The following ARHGAP12 variants were observed in gnomAD, a reference collection of about 807,000 sequenced individuals.
ARHGAP12 encodes the protein Rho GTPase activating protein 12.
A neutral mutation model predicts 108.6 loss-of-function variants in ARHGAP12; 64 were observed. The ratio of observed to expected loss-of-function variants is 0.59; its 90% CI spans 0.48 to 0.73. ARHGAP12 has a LOEUF of 0.73. Among genes scored for constraint, ARHGAP12 ranks in the 30% least tolerant of loss-of-function variants. The probability of loss-of-function intolerance (pLI) is 0.00; values close to 1 mark genes in which losing one functional copy is unlikely to be tolerated. For synonymous variants in ARHGAP12, 312 were observed against 337.2 expected, an observed-to-expected ratio of 0.93 and a Z score of 0.82; for missense variants, 940 against 1,005.9, an observed-to-expected ratio of 0.93 and a Z score of 0.89.
rs559805561 is a variant in ARHGAP12 at position 31,928,243 on chromosome 10, C to T, written c.-111+440G>A. On this transcript the variant is annotated intron_variant, in intron 1 of 19. Coordinates refer to ENST00000344936, the MANE Select transcript of ARHGAP12 (RefSeq NM_018287.7). ...CGCGCGCGCACACACCCGCCTTTTG[C>T]ACATAGACACGCACACACCCGCCTT... is the stretch of plus-strand genomic sequence containing the variant. Among the ~76,000 whole-genome samples the T allele has an allele frequency of 2.3e-4, 34 of 150,440 alleles. No homozygotes were observed. In the East Asian group the frequency reaches 6.7e-3, roughly 29 times the overall value.
chr10:31,812,728 G>A lies in ARHGAP12; in HGVS notation c.1930C>T (p.Arg644Cys), dbSNP rs773103901. The change falls in exon 15 of 20, where the codon CGT becomes TGT. Residue 644 changes from arginine (R) to cysteine (C), a missense_variant. Physicochemically the swap from Arg to Cys is radical, Grantham distance 180. Transcript: ENST00000344936. The stretch of plus-strand genomic sequence containing the variant: ...CAACCTTTAATATAACCTTTTTCAC[G>A]AACAGCTTGCAAAGTGGGGCGTCGT... Reference protein sequence around the residue: ...LTRRPTLQAVREKGYIKDQVF... With the variant: ...LTRRPTLQAVCEKGYIKDQVF... 14 of 1,603,272 alleles carry A rather than the reference G, an allele frequency of 8.7e-6. No homozygotes were observed. The highest frequency in any genetic ancestry group is 3.3e-5 in the South Asian group (3 of 89,680).
chr10:31,840,132 T>C (rs1374673697), intron 7 of ARHGAP12, among the ~76,000 whole-genome samples: 1 of 152,038 alleles, frequency 6.6e-6, no homozygotes, highest in Non-Finnish European at 1.5e-5. Context: ...CAGAAATACC[T>C]TAGCAAATGC....
intron 19 of ARHGAP12, among the ~76,000 whole-genome samples, chr10:31,808,084 A>T (rs1042347428): frequency 5.9e-5 from 9 of 152,182 alleles, no homozygotes; most frequent in African/African-American, 1.9e-4. Context: ...ATTTTAGCTT[A>T]GTTTTTAAAA....
chr10:31,863,929 A>C (rs1837227109), intron 3 of ARHGAP12, among the ~76,000 whole-genome samples: 1 of 152,166 alleles, frequency 6.6e-6, no homozygotes. Flanking sequence ...AAGACAGATA[A>C]GTTCTTCCAT....
intron 9 of ARHGAP12, among the ~76,000 whole-genome samples, chr10:31,836,828 G>C (rs1454408088): frequency 6.6e-6 from 1 of 152,162 alleles, no homozygotes; most frequent in African/African-American, 2.4e-5. Flanking sequence ...AACCTCCATG[G>C]GAGGGCACAA....
At chr10:31,834,647 G>A (rs1835945864) in intron 9 of ARHGAP12, among the ~76,000 whole-genome samples, 1 of 152,046 alleles carries the variant, frequency 6.6e-6, no homozygotes, top group Non-Finnish European at 1.5e-5. Context: ...CACTCCATTA[G>A]GCCGTAAGTT....
intron 3 of ARHGAP12, among the ~76,000 whole-genome samples, chr10:31,862,239 T>G (rs1339071755): frequency 2.0e-5 from 3 of 152,226 alleles, no homozygotes; most frequent in Non-Finnish European, 4.4e-5. Context: ...ATTCTATTCC[T>G]TCTCAGGTAT....
chr10:31,820,610 TTCTC>T (rs763272461), intron 11 of ARHGAP12, 122 bp from the exon 12 acceptor site: 221 of 516,848 alleles, frequency 4.3e-4, no homozygotes, highest in Non-Finnish European at 6.3e-4. Context: ...ATTCTTCTTT[TTCTC>T]TATTATAAAG....
intron 3 of ARHGAP12, among the ~76,000 whole-genome samples, chr10:31,892,105 A>G (rs1035809437): frequency 3.9e-5 from 6 of 152,182 alleles, no homozygotes; most frequent in African/African-American, 1.4e-4. Context: ...GAGCTCCTGA[A>G]GGAAGCACTA....
intron 13 of ARHGAP12, 121 bp from the exon 14 acceptor site, chr10:31,814,482 A>C: frequency 1.3e-6 from 1 of 740,810 alleles, no homozygotes; most frequent in Admixed American, 2.2e-5. Flanking sequence ...GAAACCAATT[A>C]GTATACAGTA....
intron 4 of ARHGAP12, among the ~76,000 whole-genome samples, chr10:31,859,423 C>T (rs921783805): frequency 2.6e-5 from 4 of 152,144 alleles, no homozygotes; most frequent in African/African-American, 9.7e-5. Flanking sequence ...GAATTCTATA[C>T]CCAGGAATAC....
chr10:31,889,388 C>T (rs970734748), intron 3 of ARHGAP12, among the ~76,000 whole-genome samples: 24 of 152,206 alleles, frequency 1.6e-4, no homozygotes, highest in African/African-American at 5.8e-4. Context: ...AGTGACCTTA[C>T]TTCAGTTTCT....
At chr10:31,875,907 C>T (rs1837710486) in intron 3 of ARHGAP12, among the ~76,000 whole-genome samples, 1 of 152,186 alleles carries the variant, frequency 6.6e-6, no homozygotes, top group African/African-American at 2.4e-5. Flanking sequence ...ATTCAAGCAC[C>T]TCATATAAGT....
At chr10:31,829,255 C>CA (rs1835741245) in intron 10 of ARHGAP12, among the ~76,000 whole-genome samples, 1 of 152,142 alleles carries the variant, frequency 6.6e-6, no homozygotes, top group African/African-American at 2.4e-5. Flanking sequence ...ATACATATAA[C>CA]ATATCATTCC....
intron 3 of ARHGAP12, among the ~76,000 whole-genome samples, chr10:31,895,596 G>A (rs2132416693): frequency 6.6e-6 from 1 of 152,264 alleles, no homozygotes; most frequent in East Asian, 1.9e-4. Context: ...GAAACAACAG[G>A]TGCTGGAGAG....
chr10:31,895,997 C>A (rs994386571), intron 3 of ARHGAP12, among the ~76,000 whole-genome samples: 13 of 152,120 alleles, frequency 8.5e-5, no homozygotes, highest in African/African-American at 3.1e-4. Flanking sequence ...GCACAAAAAA[C>A]CAAACACCGC....
At chr10:31,863,076 GT>G (rs1321081754) in intron 3 of ARHGAP12, among the ~76,000 whole-genome samples, 3 of 152,144 alleles carry the variant, frequency 2.0e-5, no homozygotes, top group Non-Finnish European at 4.4e-5. Flanking sequence ...ACAAATACAT[GT>G]TTGTGAAATG....
intron 14 of ARHGAP12, 55 bp from the exon 15 acceptor site, chr10:31,812,878 C>G (rs1057315464): frequency 2.1e-6 from 2 of 973,542 alleles, no homozygotes; most frequent in Admixed American, 2.3e-5. Flanking sequence ...TTTTTTGATA[C>G]AAGTTTTTCC....
chr10:31,875,687 A>G (rs1163979309), intron 3 of ARHGAP12, among the ~76,000 whole-genome samples: 2 of 152,342 alleles, frequency 1.3e-5, no homozygotes, highest in South Asian at 2.1e-4. Context: ...TAAAATATAC[A>G]TAACATAAAA....
Sources: gnomAD v4.1 joint callset for allele counts (sites outside exome capture counted in the v4.1 genomes callset) on GRCh38, gnomAD v4.1.1 for gene constraint, MANE v1.5 for transcripts, NCBI Gene and HGNC (gene_info 2026-07-23, HGNC 2026-07-21) for gene names.